Variants in BNC2 observed in about 807,000 individuals in gnomAD.
The protein encoded by BNC2 is zinc finger protein basonuclin-2.
In BNC2, 20 loss-of-function variants were observed where a neutral mutation model predicts 76.3. The ratio of observed to expected loss-of-function variants is 0.26; its 90% CI spans 0.18 to 0.38. The LOEUF (loss-of-function observed/expected upper bound fraction) is 0.38. Ranked by LOEUF, BNC2 falls within the 10% of genes least tolerant of loss-of-function variation. BNC2 has a pLI of 1.00. For missense variants in BNC2, 1,382 were observed against 1,399.8 expected (o/e 0.99, Z 0.20); for synonymous variants, 582 against 514.8 (o/e 1.13, Z -1.77).
rs1820604291 is a variant in BNC2 at position 16,417,261 on chromosome 9, G to A, written c.*1728C>T. On this transcript the variant is annotated 3_prime_UTR_variant, in exon 7 of 7. Transcript: ENST00000380672. ...ATTTAGTCAGTATGTTGTGGTAGCT[G>A]AGGCTGCCGATGTGGTTAACCAGCT... The A allele has an allele frequency of 6.6e-6, 1 of 152,608 alleles. No individual in the cohort carries two copies. Among genetic ancestry groups the A allele is most frequent in the South Asian group, 2.1e-4 (1 of 4,830 alleles). The allele number at this position is 152,608 out of a possible 1,614,324, so 9.5% of individuals were successfully genotyped here. A position where few individuals can be genotyped will look rare whatever the true frequency, so the allele number is the denominator to read the frequency against.
chr9:16,832,570 G>C (rs553412611), intron 1 of BNC2, among the ~76,000 whole-genome samples: 4 of 152,184 alleles, frequency 2.6e-5, no homozygotes, highest in African/African-American at 9.6e-5. Flanking sequence ...AATAAACACA[G>C]AATATTCTCT....
At chr9:16,535,888 C>T (rs1235150603) in intron 5 of BNC2, among the ~76,000 whole-genome samples, 2 of 152,092 alleles carry the variant, frequency 1.3e-5, no homozygotes. Flanking sequence ...AAGAACCCTA[C>T]AACTATCTGC....
intron 3 of BNC2, among the ~76,000 whole-genome samples, chr9:16,663,862 T>G (rs1000122466): frequency 5.9e-5 from 9 of 152,178 alleles, no homozygotes; most frequent in African/African-American, 1.7e-4. Flanking sequence ...TAATAAGTAA[T>G]TTCCTCATTG....
chr9:16,611,990 G>A (rs976929017), intron 3 of BNC2, among the ~76,000 whole-genome samples: 7 of 151,414 alleles, frequency 4.6e-5, no homozygotes, highest in Admixed American at 1.3e-4. Flanking sequence ...ATTACTAAAT[G>A]TTTCCTTTAA....
intron 1 of BNC2, among the ~76,000 whole-genome samples, chr9:16,858,259 G>C (rs1819311273): frequency 6.6e-6 from 1 of 152,162 alleles, no homozygotes; most frequent in African/African-American, 2.4e-5. Context: ...AGGGCATGAA[G>C]TGTGTCTCTT....
chr9:16,830,348 C>T (rs1479583529), intron 1 of BNC2, among the ~76,000 whole-genome samples: 1 of 152,154 alleles, frequency 6.6e-6, no homozygotes, highest in African/African-American at 2.4e-5. Context: ...GCAAAATCTT[C>T]GAACGCTCAA....
At chr9:16,617,743 T>G (rs187105869) in intron 3 of BNC2, among the ~76,000 whole-genome samples, 1 of 152,340 alleles carries the variant, frequency 6.6e-6, no homozygotes, top group African/African-American at 2.4e-5. Flanking sequence ...GCAGCATTTA[T>G]TATGTTTCAG....
chr9:16,568,289 C>T (rs1182486771), intron 4 of BNC2, among the ~76,000 whole-genome samples: 2 of 151,998 alleles, frequency 1.3e-5, no homozygotes, highest in African/African-American at 4.8e-5. Flanking sequence ...AAGTTGTTAG[C>T]GATGAGATTT....
At position 16,569,131 on chromosome 9, in the gene BNC2, ATAGT is replaced by A. The variant is rs544841686; in HGVS notation, c.433+13848_433+13851del. The stretch of plus-strand genomic sequence containing the variant: ...GGGTTTTTTTTTTTTTCTTCAACAA[ATAGT>A]GTGTCAGTGTTTTTTAAAATGAATA... On this transcript the variant is annotated intron_variant, in intron 4 of 6. Transcript: ENST00000380672. Among the ~76,000 whole-genome samples the A allele has an allele frequency of 1.6e-3, 250 of 151,824 alleles. 1 individual carries two copies. Among genetic ancestry groups the A allele is most frequent in the Middle Eastern group, 3.4e-3 (1 of 294 alleles).
At chr9:16,746,315 G>GA (rs1340104326) in intron 1 of BNC2, among the ~76,000 whole-genome samples, 2 of 152,072 alleles carry the variant, frequency 1.3e-5, no homozygotes, top group Admixed American at 1.3e-4. Flanking sequence ...ATCAGTGTCA[G>GA]AGCCCCCCAC....
chr9:16,566,562 C>T (rs1020591013), intron 4 of BNC2, among the ~76,000 whole-genome samples: 1 of 152,062 alleles, frequency 6.6e-6, no homozygotes, highest in African/African-American at 2.4e-5. Flanking sequence ...TTACAATGCA[C>T]TTTTAGTAGA....
At chr9:16,779,130 A>AAAAAAAAAAAAAAAAAAAAAAAAAAAG in intron 1 of BNC2, among the ~76,000 whole-genome samples, 1 of 87,630 alleles carries the variant, frequency 1.1e-5, no homozygotes, top group Non-Finnish European at 2.2e-5. Flanking sequence ...AAAAAAAAAA[A>AAAAAAAAAAAAAAAAAAAAAAAAAAAG]AAAAGAAAAG....
At chr9:16,709,337 G>A (rs1003148944) in intron 3 of BNC2, among the ~76,000 whole-genome samples, 8 of 152,194 alleles carry the variant, frequency 5.3e-5, no homozygotes, top group South Asian at 2.1e-4. Context: ...AGCAACCCAC[G>A]CTGCCATCGT....
At chr9:16,516,222 T>C (rs1030496858) in intron 5 of BNC2, among the ~76,000 whole-genome samples, 2 of 152,164 alleles carry the variant, frequency 1.3e-5, no homozygotes, top group African/African-American at 4.8e-5. Flanking sequence ...ATTTTCTTTG[T>C]GTTGTTCTTG....
intron 3 of BNC2, among the ~76,000 whole-genome samples, chr9:16,695,012 A>G (rs1025066870): frequency 6.6e-6 from 1 of 152,202 alleles, no homozygotes; most frequent in Non-Finnish European, 1.5e-5. Context: ...TAAGGTTCTC[A>G]GGAAGTGGAG....
rs149867666 is a variant in BNC2, at chr9:16,821,107, C to T, written c.3+49539G>A. Among the ~76,000 whole-genome samples the T allele has an allele frequency of 3.9e-3, 587 of 151,630 alleles. 3 individuals carry two copies. Among genetic ancestry groups the T allele is most frequent in the African/African-American group, 0.013 (527 of 41,368 alleles). ...AATTAGCCAGGTGTGGTGGCACGCA[C>T]CTGTAATCCCAGCTACTCGGGAGGC... On this transcript the variant is annotated intron_variant, in intron 1 of 6. Transcript: ENST00000380672.
intron 3 of BNC2, among the ~76,000 whole-genome samples, chr9:16,607,398 C>A (rs1231486665): frequency 6.6e-6 from 1 of 152,078 alleles, no homozygotes; most frequent in Non-Finnish European, 1.5e-5. Flanking sequence ...AAACACAGGA[C>A]CAAGTCCACA....
intron 3 of BNC2, among the ~76,000 whole-genome samples, chr9:16,620,375 C>T (rs909276471): frequency 6.6e-6 from 1 of 152,196 alleles, no homozygotes; most frequent in Non-Finnish European, 1.5e-5. Flanking sequence ...AGCTAACGGA[C>T]TTTGCTCGGA....
chr9:16,463,855 G>C lies in BNC2; in HGVS notation c.670-26331C>G, dbSNP rs897678071. On this transcript the variant is annotated intron_variant, in intron 5 of 6. Coordinates refer to ENST00000380672, the MANE Select transcript of BNC2 (RefSeq NM_017637.6). ...TCATGTCTGTAATCCCAGCACTTCG[G>C]GAGGCCAAGGCAGGCAGATCACTTG... 2.6e-5 allele frequency among the ~76,000 whole-genome samples: 4 copies of C among 151,870 alleles called. No individual in the cohort carries two copies. In the South Asian group the frequency reaches 8.3e-4, roughly 32 times the overall value.
Sources: allele counts gnomAD v4.1 joint callset (sites outside exome capture counted in the v4.1 genomes callset), GRCh38; gene constraint gnomAD v4.1.1; transcripts MANE v1.5; gene names NCBI Gene and HGNC (gene_info 2026-07-23, HGNC 2026-07-21).